The following MIPOL1 variants were observed in gnomAD, a reference collection of about 807,000 sequenced individuals.
The protein encoded by MIPOL1 is mirror-image polydactyly gene 1 protein.
Under a neutral mutation model 60.9 loss-of-function variants are expected in MIPOL1, and 57 were observed. The ratio of observed to expected loss-of-function variants is 0.94; its 90% CI spans 0.76 to 1.17. MIPOL1 has a LOEUF of 1.17. Among genes scored for constraint, MIPOL1 ranks in the 50% most tolerant of loss-of-function variants. The pLI, the probability that MIPOL1 is intolerant of heterozygous loss-of-function variation, is 0.00. For missense variants in MIPOL1, 551 were observed against 511.6 expected (o/e 1.08, Z -0.74); for synonymous variants, 179 against 168.8 (o/e 1.06, Z -0.47).
At chr14:37,285,577 CTT>C in intron 7 of MIPOL1, 130 bp downstream of exon 7, 7 of 862,606 alleles carry the variant, frequency 8.1e-6, no homozygotes, top group Non-Finnish European at 1.2e-5. Flanking sequence ...TGTCTCCAGT[CTT>C]TTTCTTTTTT....
intron 12 of MIPOL1, among the ~76,000 whole-genome samples, chr14:37,531,173 A>G (rs1036090166): frequency 6.6e-6 from 1 of 152,100 alleles, no homozygotes; most frequent in African/African-American, 2.4e-5. Flanking sequence ...AGGATGGACA[A>G]TGAATAGTTG....
intron 11 of MIPOL1, among the ~76,000 whole-genome samples, chr14:37,427,775 AT>A (rs1327164289): frequency 6.6e-6 from 1 of 152,170 alleles, no homozygotes; most frequent in Non-Finnish European, 1.5e-5. Context: ...AGTAAACAGT[AT>A]TTCTTACACA....
At chr14:37,381,002 C>T (rs1439720431) in intron 10 of MIPOL1, among the ~76,000 whole-genome samples, 1 of 152,032 alleles carries the variant, frequency 6.6e-6, no homozygotes, top group Non-Finnish European at 1.5e-5. Context: ...CGCTCTATAT[C>T]GTCTATTCCC....
rs111342669 is a variant in MIPOL1 at position 37,460,043 on chromosome 14, C to T, written c.1031+37094C>T. ...TCAGTGAGCTGAGATTGTGCCACTG[C>T]ACTCCAGCCTGGATGACAGCAAGAC... is the stretch of plus-strand genomic sequence containing the variant. On this transcript the variant is annotated intron_variant, in intron 11 of 12. Coordinates refer to ENST00000684589, the MANE Select transcript of MIPOL1 (RefSeq NM_001388067.1). Among the ~76,000 whole-genome samples, 908 of 151,960 alleles carry T rather than the reference C, an allele frequency of 6.0e-3. 5 individuals carry two copies. The highest frequency in any genetic ancestry group is 0.02 in the African/African-American group (815 of 41,448).
intron 12 of MIPOL1, among the ~76,000 whole-genome samples, chr14:37,546,307 A>G (rs1022281420): frequency 6.6e-6 from 1 of 152,214 alleles, no homozygotes; most frequent in African/African-American, 2.4e-5. Context: ...ATTAGAACAA[A>G]AAGTCTGGTT....
intron 9 of MIPOL1, among the ~76,000 whole-genome samples, chr14:37,334,292 A>T (rs1051154803): frequency 8.6e-5 from 13 of 151,998 alleles, no homozygotes; most frequent in Non-Finnish European, 2.9e-5. Context: ...TTGATAATTG[A>T]ATATTTTTAA....
intron 10 of MIPOL1, among the ~76,000 whole-genome samples, chr14:37,417,011 A>G (rs1217947314): frequency 1.3e-5 from 2 of 152,164 alleles, no homozygotes; most frequent in Non-Finnish European, 2.9e-5. Context: ...TCTTCCTAAC[A>G]TCAGCCCTCT....
intron 10 of MIPOL1, among the ~76,000 whole-genome samples, chr14:37,407,423 GGAGGAATATTTCAATTTC>G (rs1390964045): frequency 6.6e-6 from 1 of 152,068 alleles, no homozygotes; most frequent in Admixed American, 6.5e-5. Context: ...AAGGCAGTTG[GGAGGAATATTTCAATTTC>G]TATTTTTGAA....
At chr14:37,284,847 T>C (rs977197743) in intron 6 of MIPOL1, among the ~76,000 whole-genome samples, 4 of 152,244 alleles carry the variant, frequency 2.6e-5, no homozygotes. Context: ...ATTTGGGTTA[T>C]GCCTAAGCTT....
At chr14:37,365,540 G>A (rs1444881461) in intron 9 of MIPOL1, among the ~76,000 whole-genome samples, 1 of 152,062 alleles carries the variant, frequency 6.6e-6, no homozygotes, top group Non-Finnish European at 1.5e-5. Context: ...AATCATCCTT[G>A]CATCCCAGGG....
chr14:37,298,036 C>T (rs550192133), intron 7 of MIPOL1, among the ~76,000 whole-genome samples: 1 of 152,236 alleles, frequency 6.6e-6, no homozygotes, highest in East Asian at 1.9e-4. Context: ...CATCATGCTA[C>T]CTGACTTCAA....
chr14:37,528,271 T>C (rs953628984), intron 12 of MIPOL1, among the ~76,000 whole-genome samples: 1 of 152,034 alleles, frequency 6.6e-6, no homozygotes, highest in African/African-American at 2.4e-5. Flanking sequence ...TCCTATGTTA[T>C]TATATATAAT....
chr14:37,201,971 T>C (rs1362079528), intron 1 of MIPOL1, among the ~76,000 whole-genome samples: 2 of 152,164 alleles, frequency 1.3e-5, no homozygotes, highest in Non-Finnish European at 2.9e-5. Flanking sequence ...TAGATAGGAC[T>C]GCAGGTGCTC....
At chr14:37,333,529 A>AG (rs2089893988) in intron 9 of MIPOL1, among the ~76,000 whole-genome samples, 1 of 151,080 alleles carries the variant, frequency 6.6e-6, no homozygotes, top group Non-Finnish European at 1.5e-5. Context: ...GACAAGACAC[A>AG]GATAAGCTGA....
chr14:37,432,545 C>T (rs1007771564), intron 11 of MIPOL1, among the ~76,000 whole-genome samples: 17 of 151,798 alleles, frequency 1.1e-4, no homozygotes, highest in African/African-American at 3.9e-4. Context: ...GTTATTTACA[C>T]GGATGTGGGT....
intron 9 of MIPOL1, among the ~76,000 whole-genome samples, chr14:37,340,278 T>C (rs1456123191): frequency 6.6e-6 from 1 of 152,130 alleles, no homozygotes; most frequent in African/African-American, 2.4e-5. Context: ...AAATAAAAAT[T>C]TGAAGACTAG....
chr14:37,534,710 A>T (rs1205078520), intron 12 of MIPOL1, among the ~76,000 whole-genome samples: 3 of 152,178 alleles, frequency 2.0e-5, no homozygotes, highest in African/African-American at 7.2e-5. Context: ...ATCTTAATTT[A>T]TTCTATTATC....
At chr14:37,530,362 G>A (rs1429301378) in intron 12 of MIPOL1, among the ~76,000 whole-genome samples, 1 of 152,056 alleles carries the variant, frequency 6.6e-6, no homozygotes, top group African/African-American at 2.4e-5. Context: ...AGAAAAGTAC[G>A]GCCAGATGGC....
At chr14:37,415,048 A>G (rs1423866166) in intron 10 of MIPOL1, among the ~76,000 whole-genome samples, 2 of 152,094 alleles carry the variant, frequency 1.3e-5, no homozygotes, top group Non-Finnish European at 2.9e-5. Context: ...GTAGAGAGAA[A>G]TCCTTATCAT....
Sources: allele counts gnomAD v4.1 joint callset (sites outside exome capture counted in the v4.1 genomes callset), GRCh38; gene constraint gnomAD v4.1.1; transcripts MANE v1.5; gene names NCBI Gene and HGNC (gene_info 2026-07-23, HGNC 2026-07-21).